Variants in EHBP1 observed in about 807,000 individuals in gnomAD.
The protein encoded by EHBP1 is EH domain-binding protein 1.
In EHBP1, 55 loss-of-function variants were observed where a neutral mutation model predicts 144.0. The observed-to-expected ratio is 0.38, with a 90% confidence interval of 0.31 to 0.48. The LOEUF is 0.48. Among genes scored for constraint, EHBP1 ranks in the 20% least tolerant of loss-of-function variants. The probability of loss-of-function intolerance (pLI) is 0.98; values close to 1 mark genes in which losing one functional copy is unlikely to be tolerated. For synonymous variants in EHBP1, 469 were observed against 472.7 expected (o/e 0.99, Z 0.10); for missense variants, 1,200 against 1,364.2 (o/e 0.88, Z 1.90).
At chr2:62,705,660 G>A (rs1558520577), upstream of EHBP1, 1 of 152,460 alleles carries the variant, frequency 6.6e-6, no homozygotes, top group African/African-American at 2.4e-5. Context: ...GCACGCGCGG[G>A]GCCTGGCCAA....
At chr2:62,892,806 A>G (rs1398873074) in intron 10 of EHBP1, among the ~76,000 whole-genome samples, 2 of 152,124 alleles carry the variant, frequency 1.3e-5, no homozygotes, top group Non-Finnish European at 2.9e-5. Context: ...TTACTCCAAA[A>G]TATTTACTTA....
intron 10 of EHBP1, among the ~76,000 whole-genome samples, chr2:62,890,464 T>TAAGG (rs1355577308): frequency 2.0e-5 from 3 of 152,168 alleles, no homozygotes; most frequent in Non-Finnish European, 4.4e-5. Context: ...CTTCCCTAGT[T>TAAGG]AGCTTATTTT....
At chr2:63,038,521 A>C (rs1018740406) in intron 20 of EHBP1, among the ~76,000 whole-genome samples, 4 of 152,164 alleles carry the variant, frequency 2.6e-5, no homozygotes, top group Non-Finnish European at 1.5e-5. Flanking sequence ...CCTCAGATTA[A>C]AATATACCTA....
In EHBP1 at chr2:62,819,773, A is replaced by AC. The variant is rs560818897; in HGVS notation, c.313-6314_313-6313insC. 3.1e-3 allele frequency among the ~76,000 whole-genome samples: 466 copies of AC among 150,334 alleles called. 3 individuals carry two copies. Among genetic ancestry groups the AC allele is most frequent in the Middle Eastern group, 0.01 (3 of 294 alleles). ...AGCGAGACTCCAGCTCAAAAAAACA[A>AC]AAAAAAAAAAACCCGCGACAACCCA... On this transcript the variant is annotated intron_variant, in intron 5 of 22. Coordinates refer to ENST00000431489, the MANE Select transcript of EHBP1 (RefSeq NM_001142616.3).
intron 3 of EHBP1, among the ~76,000 whole-genome samples, chr2:62,748,308 G>A (rs562651854): frequency 6.6e-6 from 1 of 151,962 alleles, no homozygotes; most frequent in Non-Finnish European, 1.5e-5. Context: ...TTTGTTTGTG[G>A]GGAGTGGAAC....
intron 3 of EHBP1, among the ~76,000 whole-genome samples, chr2:62,752,658 T>G (rs1056440498): frequency 6.6e-6 from 1 of 152,198 alleles, no homozygotes; most frequent in African/African-American, 2.4e-5. Flanking sequence ...TGAATCCGGG[T>G]GCTCCTGTAC....
At chr2:62,702,618 T>G (rs1355931128), upstream of EHBP1, among the ~76,000 whole-genome samples, 7 of 152,226 alleles carry the variant, frequency 4.6e-5, no homozygotes, top group Non-Finnish European at 5.9e-5. Flanking sequence ...ACCTAAATTA[T>G]TGCTGTTCCA....
At chr2:62,982,265 T>C (rs187195948) in intron 15 of EHBP1, among the ~76,000 whole-genome samples, 1 of 152,336 alleles carries the variant, frequency 6.6e-6, no homozygotes, top group Non-Finnish European at 1.5e-5. Flanking sequence ...CAGAGCACTG[T>C]AGGTTTTGTA....
At chr2:62,841,425 G>A (rs929542488) in intron 7 of EHBP1, among the ~76,000 whole-genome samples, 2 of 151,504 alleles carry the variant, frequency 1.3e-5, no homozygotes, top group Non-Finnish European at 2.9e-5. Context: ...CACCAGCATG[G>A]CACATGTATA....
At chr2:62,812,054 A>C (rs2045057052) in intron 5 of EHBP1, among the ~76,000 whole-genome samples, 1 of 152,098 alleles carries the variant, frequency 6.6e-6, no homozygotes, top group Admixed American at 6.5e-5. Context: ...GGTGAGAGTG[A>C]GTTTGTTATA....
intron 9 of EHBP1, among the ~76,000 whole-genome samples, chr2:62,870,313 G>A (rs2050359904): frequency 6.6e-6 from 1 of 152,158 alleles, no homozygotes; most frequent in South Asian, 2.1e-4. Flanking sequence ...GAGAAAAAGA[G>A]TCATTAAAGT....
At chr2:62,944,736 C>T (rs1188265276) in intron 12 of EHBP1, among the ~76,000 whole-genome samples, 1 of 152,278 alleles carries the variant, frequency 6.6e-6, no homozygotes, top group Non-Finnish European at 1.5e-5. Flanking sequence ...GTTGCTGGAG[C>T]CCTGGGCCAG....
chr2:62,842,111 A>C (rs964933286), intron 7 of EHBP1, among the ~76,000 whole-genome samples: 5 of 150,886 alleles, frequency 3.3e-5, no homozygotes. Flanking sequence ...TTTTGAGACA[A>C]GGTCTTGCTT....
Position 62,691,587 on chromosome 2 carries a change from T to C in EHBP1, c.-295-15310T>C, listed in dbSNP as rs554506045. On this transcript the variant is annotated intron_variant, in intron 1 of 22. Transcript: ENST00000405015. ...ATGGGTATTGACAGGCAACTAACAA[T>C]ATTTGCTTCTGAACTCCTCCAGACC... 6.6e-5 allele frequency among the ~76,000 whole-genome samples: 10 copies of C among 152,288 alleles called. No individual in the cohort carries two copies. The East Asian group carries it at 1.9e-3, about 29-fold the overall frequency.
intron 12 of EHBP1, among the ~76,000 whole-genome samples, chr2:62,947,749 C>G (rs377732010): frequency 6.6e-6 from 1 of 152,156 alleles, no homozygotes; most frequent in African/African-American, 2.4e-5. Flanking sequence ...TGAAGTCACT[C>G]TTTTCATTAT....
At chr2:62,892,641 C>T (rs2052557990) in intron 10 of EHBP1, among the ~76,000 whole-genome samples, 1 of 151,994 alleles carries the variant, frequency 6.6e-6, no homozygotes, top group Non-Finnish European at 1.5e-5. Context: ...AAAACTTTAC[C>T]TTATACAGCA....
chr2:62,873,506 C>A (rs1265087440), intron 9 of EHBP1, among the ~76,000 whole-genome samples: 1 of 151,818 alleles, frequency 6.6e-6, no homozygotes, highest in African/African-American at 2.4e-5. Context: ...CAACATATAT[C>A]TAATAAGATA....
intron 7 of EHBP1, among the ~76,000 whole-genome samples, chr2:62,839,598 G>A (rs1196442932): frequency 4.7e-5 from 7 of 149,766 alleles, no homozygotes; most frequent in East Asian, 3.9e-4. Context: ...AAACCCCATC[G>A]TCTCAGCCCA....
chr2:62,915,463 C>T (rs2054535459), intron 10 of EHBP1, among the ~76,000 whole-genome samples: 1 of 152,026 alleles, frequency 6.6e-6, no homozygotes, highest in South Asian at 2.1e-4. Context: ...TTAATTTTCT[C>T]TTTTTTATTT....
Sources: gnomAD v4.1 joint callset for allele counts (sites outside exome capture counted in the v4.1 genomes callset) on GRCh38, gnomAD v4.1.1 for gene constraint, MANE v1.5 for transcripts, NCBI Gene and HGNC (gene_info 2026-07-23, HGNC 2026-07-21) for gene names.